Variants in GNRH2 observed in about 807,000 individuals in gnomAD.
The protein encoded by GNRH2 is progonadoliberin-2.
In GNRH2, 15 loss-of-function variants were observed where a neutral mutation model predicts 12.1. That is an observed-to-expected ratio of 1.24 (90% confidence interval 0.83 to 1.90). The LOEUF is 1.90. Ranked by LOEUF, GNRH2 falls within the 40% of genes most tolerant of loss-of-function variation. The pLI is 0.00. For missense variants in GNRH2, 143 were observed against 141.4 expected, an observed-to-expected ratio of 1.01 and a Z score of -0.06; for synonymous variants, 60 against 62.0, an observed-to-expected ratio of 0.97 and a Z score of 0.15.
rs16996832 is a variant in GNRH2, at chr20:3,045,699, A to AGCCCCGCCCC, written c.314_323dup (p.Ser109ArgfsTer7). The AGCCCCGCCCC allele has an allele frequency of 7.5e-6, 12 of 1,596,064 alleles. No individual in the cohort carries two copies. The highest frequency in any genetic ancestry group is 3.4e-5 in the Admixed American group (2 of 59,416). ...CTCCCTCCGCAGACCGCAGCCCGAG[A>AGCCCCGCCCC]GCCCCGCCCCGCCCCGCCATCCTCC... On this transcript the variant is annotated frameshift_variant, in exon 4 of 4. Transcript: ENST00000359100. LOFTEE classifies it low-confidence loss of function (END_TRUNC).
intron 3 of GNRH2, 88 bp from the exon 4 acceptor site, chr20:3,045,598 G>A: frequency 2.6e-6 from 3 of 1,136,972 alleles, no homozygotes; most frequent in South Asian, 2.7e-5. Flanking sequence ...GACTGGGGGG[G>A]ACGAGAGGGG....
chr20:3,044,688 T>C lies in GNRH2; in HGVS notation c.155-12T>C, dbSNP rs1449067135. 7 of 1,608,680 alleles carry C rather than the reference T, an allele frequency of 4.4e-6. No homozygotes were observed. The highest frequency in any genetic ancestry group is 8.5e-7 in the Non-Finnish European group (1 of 1,176,648). On this transcript the variant is annotated splice_polypyrimidine_tract_variant and intron_variant, in intron 2 of 3. Coordinates refer to ENST00000359100, the MANE Select transcript of GNRH2 (RefSeq NM_178331.2). ...TCAGTTCCCTTCTAAGGAAGGGCCCTGGACACTGCAGCAGGCAGCCCAGTC... is the reference window on the plus strand; with the variant it reads ...TCAGTTCCCTTCTAAGGAAGGGCCCCGGACACTGCAGCAGGCAGCCCAGTC...
chr20:3,044,948 GC>G (rs986931865), intron 3 of GNRH2, 112 bp downstream of exon 3: 3 of 808,514 alleles, frequency 3.7e-6, no homozygotes, highest in African/African-American at 3.4e-5. Flanking sequence ...CCACTGAGAT[GC>G]CCCCTGCCAC....
chr20:3,045,717 C>T lies in GNRH2; in HGVS notation c.323C>T (p.Pro108Leu). The T allele has an allele frequency of 6.2e-7, 1 of 1,608,582 alleles. No individual in the cohort carries two copies. Among genetic ancestry groups the T allele is most frequent in the Non-Finnish European group, 8.5e-7 (1 of 1,175,456 alleles). ...GCCCGAGAGCCCCGCCCCGCCCCGC[C>T]ATCCTCCAATAAAGTGTGAGGTTCT... ...TAAREPRPAP[P>L]SSNKV Residue 108 changes from proline to leucine, a missense_variant, in exon 4 of 4, where the codon CCA (proline) becomes CTA (leucine). By Grantham distance (98) the Pro-to-Leu change is moderately conservative (BLOSUM62 -3). Coordinates refer to ENST00000359100, the MANE Select transcript of GNRH2 (RefSeq NM_178331.2).
chr20:3,044,628 T>G, intron 2 of GNRH2, 60 bp downstream of exon 2: 1 of 1,608,572 alleles, frequency 6.2e-7, no homozygotes, highest in Non-Finnish European at 8.5e-7. Context: ...TCCCCCACCC[T>G]CCTGGAGCCT....
intron 1 of GNRH2, chr20:3,044,083 TC>T: frequency 3.3e-6 from 1 of 301,336 alleles, no homozygotes; most frequent in African/African-American, 2.1e-5. Flanking sequence ...CCTCCAACTT[TC>T]TTCCACTTCT....
At chr20:3,044,381 C>T in intron 1 of GNRH2, 27 bp from the exon 2 acceptor site, 2 of 1,600,946 alleles carry the variant, frequency 1.2e-6, no homozygotes, top group Non-Finnish European at 8.6e-7. Context: ...AGGTAAGTCT[C>T]CTTGAATGCT....
rs1284712839 is a variant in GNRH2 at position 3,045,701 on chromosome 20, C to A, written c.307C>A (p.Pro103Thr). The A allele has an allele frequency of 6.3e-7, 1 of 1,585,316 alleles. No individual in the cohort carries two copies. The highest frequency in any genetic ancestry group is 1.7e-5 in the Admixed American group (1 of 59,716). The stretch of plus-strand genomic sequence containing the variant: ...CCCTCCGCAGACCGCAGCCCGAGAG[C>A]CCCGCCCCGCCCCGCCATCCTCCAA... ...ARTLLTAARE[P>T]RPAPPSSNKV Residue 103 changes from proline (P) to threonine (T), a missense_variant, in exon 4 of 4, where the codon CCC becomes ACC. Coordinates refer to ENST00000359100, the MANE Select transcript of GNRH2 (RefSeq NM_178331.2).
At chr20:3,044,272 C>T (rs545939913) in intron 1 of GNRH2, 136 bp from the exon 2 acceptor site, 29 of 664,900 alleles carry the variant, frequency 4.4e-5, no homozygotes, top group Admixed American at 1.7e-4. Context: ...GGATGAGGAG[C>T]GGTGGCAGAG....
chr20:3,044,273 G>A (rs747207234), intron 1 of GNRH2, 135 bp from the exon 2 acceptor site: 16 of 670,378 alleles, frequency 2.4e-5, no homozygotes, highest in Admixed American at 7.1e-5. Context: ...GATGAGGAGC[G>A]GTGGCAGAGA....
At chr20:3,045,593 G>C in intron 3 of GNRH2, 93 bp from the exon 4 acceptor site, 2 of 1,089,080 alleles carry the variant, frequency 1.8e-6, no homozygotes, top group Non-Finnish European at 2.8e-6. Flanking sequence ...ATGGGGACTG[G>C]GGGGGACGAG....
intron 1 of GNRH2, chr20:3,044,011 AG>A (rs1452264240): frequency 1.5e-4 from 29 of 199,242 alleles, no homozygotes; most frequent in Non-Finnish European, 8.4e-5. Context: ...GCCTACATTG[AG>A]AACTCCCCTG....
At chr20:3,045,410 TC>T (rs2065978259) in intron 3 of GNRH2, among the ~76,000 whole-genome samples, 1 of 152,180 alleles carries the variant, frequency 6.6e-6, no homozygotes, top group Non-Finnish European at 1.5e-5. Context: ...AGTGGTTAGT[TC>T]CTATGAGGCA....
intron 3 of GNRH2, among the ~76,000 whole-genome samples, chr20:3,045,086 T>C (rs2065974967): frequency 6.6e-6 from 1 of 152,144 alleles, no homozygotes; most frequent in South Asian, 2.1e-4. Context: ...AAGTCACTAG[T>C]AGACTAGAAG....
intron 1 of GNRH2, 74 bp downstream of exon 1, chr20:3,043,739 C>T (rs2065957721): frequency 6.6e-6 from 1 of 152,646 alleles, no homozygotes. Flanking sequence ...TGTGCTGCTC[C>T]TCTTCCCCAT....
At chr20:3,044,906 T>C (rs1600306168) in intron 3 of GNRH2, 70 bp downstream of exon 3, 7 of 1,349,228 alleles carry the variant, frequency 5.2e-6, no homozygotes, top group Non-Finnish European at 7.2e-6. Flanking sequence ...TGGCTTAGGG[T>C]TGGGTGCTGG....
Position 3,044,919 on chromosome 20 carries a change from G to A in GNRH2, c.291+83G>A, listed in dbSNP as rs954428462. ...TGTGGCTTAGGGTTGGGTGCTGGGA[G>A]GGTGGGGAGAATGAAACACCACTGA... On this transcript the variant is annotated intron_variant, in intron 3 of 3. Coordinates refer to ENST00000359100, the MANE Select transcript of GNRH2 (RefSeq NM_178331.2). 7 of 1,168,484 alleles carry A rather than the reference G, an allele frequency of 6.0e-6. No individual in the cohort carries two copies. In the Admixed American group the frequency reaches 6.7e-5, roughly 11 times the overall value. 72.4% of individuals were successfully genotyped at this position (1,168,484 alleles called of 1,614,324 possible).
intron 3 of GNRH2, among the ~76,000 whole-genome samples, 175 bp downstream of exon 3, chr20:3,045,011 C>G (rs573023028): frequency 2.0e-5 from 3 of 152,330 alleles, no homozygotes; most frequent in African/African-American, 7.2e-5. Context: ...AGGGTGCTGT[C>G]TGCTATCCTT....
chr20:3,044,951 C>T, intron 3 of GNRH2, 115 bp downstream of exon 3: 1 of 785,274 alleles, frequency 1.3e-6, no homozygotes, highest in Non-Finnish European at 2.1e-6. Flanking sequence ...CTGAGATGCC[C>T]CCTGCCACAG....
Sources: allele counts gnomAD v4.1 joint callset (sites outside exome capture counted in the v4.1 genomes callset), GRCh38; gene constraint gnomAD v4.1.1; transcripts MANE v1.5; gene names NCBI Gene and HGNC (gene_info 2026-07-23, HGNC 2026-07-21).